MECOM: variants seen among roughly 807,000 people sequenced by gnomAD.
The protein encoded by MECOM is histone-lysine N-methyltransferase MECOM.
A neutral mutation model predicts 116.3 loss-of-function variants in MECOM; 13 were observed. The observed-to-expected ratio is 0.11, with a 90% CI of 0.07 to 0.18. The LOEUF (loss-of-function observed/expected upper bound fraction) is 0.18, where lower values mean the gene tolerates loss of function less well. Among genes scored for constraint, MECOM ranks in the 10% least tolerant of loss-of-function variants. MECOM has a pLI of 1.00. For missense variants in MECOM, 1,299 were observed against 1,509.0 expected, an observed-to-expected ratio of 0.86 and a Z score of 2.31; for synonymous variants, 528 against 535.2, an observed-to-expected ratio of 0.99 and a Z score of 0.19.
chr3:169,491,133 A>G (rs1017197427), intron 1 of MECOM, among the ~76,000 whole-genome samples: 3 of 152,188 alleles, frequency 2.0e-5, no homozygotes, highest in Non-Finnish European at 4.4e-5. Context: ...CTGGGATTTC[A>G]GGTATGAGTC....
chr3:169,234,415 T>C lies in MECOM; in HGVS notation c.376-90583A>G, dbSNP rs140780052. Among the ~76,000 whole-genome samples, 949 of 148,968 alleles carry C rather than the reference T, an allele frequency of 6.4e-3. 9 individuals carry two copies. The highest frequency in any genetic ancestry group is 0.011 in the Non-Finnish European group (720 of 67,494). ...GTCAATTATGTCATTGAGCAAATGA[T>C]GGAAAGAGAAAGAAGACTAGAGATA... On this transcript the variant is annotated intron_variant, in intron 2 of 16. Coordinates refer to ENST00000651503, the MANE Select transcript of MECOM (RefSeq NM_004991.4).
intron 2 of MECOM, among the ~76,000 whole-genome samples, chr3:169,305,407 G>A (rs1288511423): frequency 6.6e-6 from 1 of 152,082 alleles, no homozygotes; most frequent in Non-Finnish European, 1.5e-5. Flanking sequence ...TTGCCTAATT[G>A]TGGGGGCTGG....
chr3:169,440,588 C>T (rs1435671330), intron 1 of MECOM, among the ~76,000 whole-genome samples: 4 of 152,060 alleles, frequency 2.6e-5, no homozygotes, highest in African/African-American at 7.2e-5. Flanking sequence ...GGGAAGACAA[C>T]ACTCTAAATA....
At position 169,083,864 on chromosome 3, in the gene MECOM, C is replaced by T. The variant is rs372170025; in HGVS notation, c.*1045G>A. On this transcript the variant is annotated 3_prime_UTR_variant, in exon 17 of 17. Transcript: ENST00000651503. Reference sequence around the variant, plus strand: ...ATGAAAGAAATTATAATCGTTTATACAATTGAATCGATTTCAGTATTACAA... The same window carrying T: ...ATGAAAGAAATTATAATCGTTTATATAATTGAATCGATTTCAGTATTACAA... The T allele has an allele frequency of 9.2e-6, 2 of 218,462 alleles. No homozygotes were observed. Among genetic ancestry groups the T allele is most frequent in the Admixed American group, 5.8e-5 (1 of 17,234 alleles). The allele number at this position is 218,462 out of a possible 1,614,324, so 13.5% of individuals were successfully genotyped here. A position where few individuals can be genotyped will look rare whatever the true frequency, so the allele number is the denominator to read the frequency against.
intron 2 of MECOM, among the ~76,000 whole-genome samples, chr3:169,363,749 T>C (rs1183804739): frequency 6.6e-6 from 1 of 151,842 alleles, no homozygotes; most frequent in Non-Finnish European, 1.5e-5. Context: ...TTTTCCATAT[T>C]CCACCCCGAG....
chr3:169,253,689 C>T (rs904791307), intron 2 of MECOM, among the ~76,000 whole-genome samples: 1 of 151,740 alleles, frequency 6.6e-6, no homozygotes, highest in African/African-American at 2.4e-5. Flanking sequence ...ACACTTTTTT[C>T]CCCAGAAAGA....
chr3:169,648,885 C>T (rs1215654974), intron 1 of MECOM, among the ~76,000 whole-genome samples: 1 of 152,212 alleles, frequency 6.6e-6, no homozygotes, highest in African/African-American at 2.4e-5. Context: ...CAGATCTTTG[C>T]TCTCAGACAG....
chr3:169,138,467 A>G (rs973418987), intron 3 of MECOM, among the ~76,000 whole-genome samples: 1 of 152,184 alleles, frequency 6.6e-6, no homozygotes, highest in Non-Finnish European at 1.5e-5. Context: ...CTTCAGGTGA[A>G]GGAAGTAACT....
chr3:169,554,719 T>G (rs1186038085), intron 1 of MECOM, among the ~76,000 whole-genome samples: 1 of 152,200 alleles, frequency 6.6e-6, no homozygotes, highest in Non-Finnish European at 1.5e-5. Context: ...CAACTCAGGG[T>G]TGCCAGCTGC....
intron 1 of MECOM, among the ~76,000 whole-genome samples, chr3:169,435,139 C>T: frequency 6.6e-6 from 1 of 152,152 alleles, no homozygotes; most frequent in Non-Finnish European, 1.5e-5. Flanking sequence ...AAATATGCAG[C>T]AATGATGGTC....
At chr3:169,125,610 C>A (rs1326597953) in intron 5 of MECOM, among the ~76,000 whole-genome samples, 1 of 152,080 alleles carries the variant, frequency 6.6e-6, no homozygotes, top group Non-Finnish European at 1.5e-5. Context: ...GTATTATTAG[C>A]TTCCAGCTAA....
chr3:169,147,219 C>G, intron 2 of MECOM: 1 of 985,488 alleles, frequency 1.0e-6, no homozygotes, highest in Non-Finnish European at 1.2e-6. Context: ...TGGGGGAAAA[C>G]AAGCAGGAGG....
intron 1 of MECOM, among the ~76,000 whole-genome samples, chr3:169,598,243 A>G (rs1767374688): frequency 1.3e-5 from 2 of 152,362 alleles, no homozygotes; most frequent in South Asian, 2.1e-4. Context: ...TAAACAAGCA[A>G]TGTCCTTAAA....
chr3:169,460,891 G>A (rs757762930), intron 1 of MECOM, among the ~76,000 whole-genome samples: 1 of 152,138 alleles, frequency 6.6e-6, no homozygotes, highest in South Asian at 2.1e-4. Flanking sequence ...TAATTTACGG[G>A]AGAGTCCAAG....
chr3:169,101,391 A>AGAT (rs1364296061), intron 11 of MECOM, among the ~76,000 whole-genome samples: 1 of 152,232 alleles, frequency 6.6e-6, no homozygotes, highest in Non-Finnish European at 1.5e-5. Flanking sequence ...CCCTATGCAT[A>AGAT]GAGTGGTATC....
chr3:169,264,823 C>G (rs1052738697), intron 2 of MECOM, among the ~76,000 whole-genome samples: 2 of 152,164 alleles, frequency 1.3e-5, no homozygotes, highest in African/African-American at 4.8e-5. Context: ...TAGAGACCCA[C>G]CCTCATCCTG....
At chr3:169,413,095 C>T (rs897504645) in intron 1 of MECOM, among the ~76,000 whole-genome samples, 15 of 152,222 alleles carry the variant, frequency 9.9e-5, no homozygotes, top group African/African-American at 3.4e-4. Flanking sequence ...CTCTGATCTG[C>T]AGCTCCCAGT....
At chr3:169,478,240 G>A (rs1010107472) in intron 1 of MECOM, among the ~76,000 whole-genome samples, 15 of 152,180 alleles carry the variant, frequency 9.9e-5, no homozygotes, top group African/African-American at 3.6e-4. Context: ...TATCATTAAT[G>A]TCATTCCATT....
chr3:169,389,124 A>C (rs1342324940), intron 1 of MECOM, among the ~76,000 whole-genome samples: 1 of 152,238 alleles, frequency 6.6e-6, no homozygotes, highest in Non-Finnish European at 1.5e-5. Context: ...AATTTCACAG[A>C]CATTTCACTA....
Sources: allele counts gnomAD v4.1 joint callset (sites outside exome capture counted in the v4.1 genomes callset), GRCh38; gene constraint gnomAD v4.1.1; transcripts MANE v1.5; gene names NCBI Gene and HGNC (gene_info 2026-07-23, HGNC 2026-07-21).